Variants in TEX14 observed in about 807,000 individuals in gnomAD.
TEX14 encodes the protein inactive serine/threonine-protein kinase TEX14.
In TEX14, 168 loss-of-function variants were observed where a neutral mutation model predicts 178.6. The observed-to-expected ratio is 0.94, with a 90% CI of 0.83 to 1.07. The LOEUF is 1.07. TEX14 is among the 50% of genes least tolerant of loss of function. TEX14 has a pLI of 0.00. For missense variants in TEX14, 1,730 were observed against 1,753.6 expected (o/e 0.99, Z 0.24); for synonymous variants, 626 against 634.1 (o/e 0.99, Z 0.19).
At chr17:58,659,208 T>G in intron 1 of TEX14, 1 of 287,944 alleles carries the variant, frequency 3.5e-6, no homozygotes, top group Non-Finnish European at 5.2e-6. Context: ...AGTTTTCTCA[T>G]TCGGGGAAAT....
Position 58,608,209 on chromosome 17 carries a change from A to G in TEX14, c.1184+2952T>C, listed in dbSNP as rs1200632011. On this transcript the variant is annotated intron_variant, in intron 10 of 31. Coordinates refer to ENST00000349033, the MANE Select transcript of TEX14 (RefSeq NM_031272.5). ...GAGGCGGGTGGATCACAAGGTCAGG[A>G]GTTCAAGACCATCCTGGCCAACATG... Among the ~76,000 whole-genome samples the G allele has an allele frequency of 4.6e-5, 7 of 152,248 alleles. 1 individual carries two copies. In the South Asian group the frequency reaches 1.5e-3, roughly 32 times the overall value.
chr17:58,559,906 C>G (rs1567986940), intron 29 of TEX14, among the ~76,000 whole-genome samples: 1 of 152,156 alleles, frequency 6.6e-6, no homozygotes, highest in African/African-American at 2.4e-5. Flanking sequence ...CTATGCTATA[C>G]TGCTCCAAAG....
chr17:58,615,272 G>C lies in TEX14; in HGVS notation c.841C>G (p.Arg281Gly). ...LPTHPHCSRL[R>G]LADLLIAEQE... is the part of the protein sequence containing the mutation. ...TCGGCAATTAACAAGTCGGCCAGCC[G>C]CAGCCTGCTGCAGTGTGGGTGGGTG... The change falls in exon 8 of 32, where the codon CGG becomes GGG. Residue 281 changes from arginine to glycine, a missense_variant. Physicochemically the swap from Arg to Gly is moderately radical, Grantham distance 125 (BLOSUM62 -2). This residue lies in a region of TEX14 where 789 missense variants were observed against 681.2 expected (regional missense o/e 1.16). Coordinates refer to ENST00000349033, the MANE Select transcript of TEX14 (RefSeq NM_031272.5). 1.2e-6 allele frequency: 2 copies of C among 1,613,464 alleles called. No individual in the cohort carries two copies. Among genetic ancestry groups the C allele is most frequent in the Non-Finnish European group, 1.7e-6 (2 of 1,179,542 alleles).
chr17:58,680,054 T>C (rs1184196311), intron 1 of TEX14, among the ~76,000 whole-genome samples: 2 of 151,810 alleles, frequency 1.3e-5, no homozygotes, highest in African/African-American at 4.8e-5. Context: ...GGTTTGGCAC[T>C]AATGATGCCA....
intron 2 of TEX14, 143 bp from the exon 3 acceptor site, chr17:58,630,697 G>A: frequency 1.7e-6 from 1 of 593,828 alleles, no homozygotes; most frequent in East Asian, 2.8e-5. Context: ...TACAAAGAAG[G>A]TCTTCATTAG....
chr17:58,661,465 G>A (rs1739275415), intron 1 of TEX14: 1 of 783,046 alleles, frequency 1.3e-6, no homozygotes, highest in Non-Finnish European at 2.4e-6. Context: ...CGAGGCCCTT[G>A]AACACCTTTT....
chr17:58,687,143 G>A (rs1386181053), intron 1 of TEX14, among the ~76,000 whole-genome samples: 1 of 152,024 alleles, frequency 6.6e-6, no homozygotes, highest in African/African-American at 2.4e-5. Flanking sequence ...GCAAACTCAC[G>A]ACTGCTCCTG....
Position 58,581,782 on chromosome 17 carries a change from T to A in TEX14, c.3172-2051A>T, listed in dbSNP as rs369350350. The A allele has an allele frequency of 4.4e-6, 7 of 1,592,104 alleles. No homozygotes were observed. In the African/African-American group the frequency reaches 8.1e-5, roughly 18 times the overall value. On this transcript the variant is annotated intron_variant, in intron 19 of 31. Coordinates refer to ENST00000349033, the MANE Select transcript of TEX14 (RefSeq NM_031272.5). ...TAAGTTGCTGTTCATTGTAACGAAA[T>A]CCCTTTATAGTTGGATGCAGTGTTA...
intron 2 of TEX14, among the ~76,000 whole-genome samples, chr17:58,632,609 G>T (rs1567748828): frequency 6.6e-6 from 1 of 152,126 alleles, no homozygotes; most frequent in Non-Finnish European, 1.5e-5. Flanking sequence ...ACTTTAAATG[G>T]TCCATTTTCA....
intron 15 of TEX14, among the ~76,000 whole-genome samples, chr17:58,589,387 C>T (rs1299172255): frequency 1.3e-5 from 2 of 148,792 alleles, no homozygotes; most frequent in Non-Finnish European, 3.0e-5. Flanking sequence ...ATGGTGAAAC[C>T]CCGTATCTCC....
chr17:58,659,370 G>C, intron 1 of TEX14: 1 of 978,364 alleles, frequency 1.0e-6, no homozygotes, highest in Non-Finnish European at 1.2e-6. Context: ...ATGGCAAATT[G>C]TATTATGAGT....
intron 1 of TEX14, among the ~76,000 whole-genome samples, chr17:58,691,666 CA>C (rs34546660): frequency 0.016 from 1,759 of 107,062 alleles, 28 homozygotes; most frequent in Non-Finnish European, 0.019. Flanking sequence ...GACTCTGTCT[CA>C]AAAAAAAAAA....
At chr17:58,561,026 A>C (rs1259640092) in intron 29 of TEX14, among the ~76,000 whole-genome samples, 1 of 152,162 alleles carries the variant, frequency 6.6e-6, no homozygotes, top group Non-Finnish European at 1.5e-5. Context: ...CCCTCAGTAA[A>C]ATTATAGTGA....
intron 21 of TEX14, among the ~76,000 whole-genome samples, chr17:58,574,530 G>T (rs2044628847): frequency 6.6e-6 from 1 of 151,900 alleles, no homozygotes; most frequent in Non-Finnish European, 1.5e-5. Flanking sequence ...ACAAAAATTA[G>T]CTGGGCTTGG....
At chr17:58,674,531 A>T (rs769561971) in intron 1 of TEX14, among the ~76,000 whole-genome samples, 4 of 150,424 alleles carry the variant, frequency 2.7e-5, no homozygotes, top group African/African-American at 4.9e-5. Context: ...TTAGCTGAGC[A>T]TGGTGGCTCA....
At chr17:58,679,699 A>G (rs1409189647) in intron 1 of TEX14, 1 of 152,202 alleles carries the variant, frequency 6.6e-6, no homozygotes, top group African/African-American at 2.4e-5. Context: ...ATGAGTCCCC[A>G]GCGCTGCCTG....
At chr17:58,676,892 A>C (rs777350808) in intron 1 of TEX14, among the ~76,000 whole-genome samples, 5 of 152,118 alleles carry the variant, frequency 3.3e-5, no homozygotes, top group Non-Finnish European at 7.4e-5. Context: ...GTACTTTGGG[A>C]GGACGAGGCA....
intron 11 of TEX14, among the ~76,000 whole-genome samples, chr17:58,603,096 A>G (rs928703571): frequency 2.6e-5 from 4 of 151,970 alleles, no homozygotes; most frequent in Admixed American, 6.6e-5. Context: ...AGGCCAATTC[A>G]TAAGTGAGAA....
chr17:58,670,434 A>G (rs76079866), intron 1 of TEX14, among the ~76,000 whole-genome samples: 1 of 152,028 alleles, frequency 6.6e-6, no homozygotes, highest in South Asian at 2.1e-4. Flanking sequence ...TAAAAAAAAA[A>G]ACAACAAACA....
Sources: allele counts gnomAD v4.1 joint callset (sites outside exome capture counted in the v4.1 genomes callset), GRCh38; gene constraint gnomAD v4.1.1; regional missense constraint gnomAD v4.1.1; transcripts MANE v1.5; gene names NCBI Gene and HGNC (gene_info 2026-07-23, HGNC 2026-07-21).